WASHC4: variants seen among roughly 807,000 people sequenced by gnomAD.
WASHC4 encodes the protein WASH complex subunit 7.
WASHC4 carries 86 observed loss-of-function variants against 166.6 expected under a neutral mutation model. That is an observed-to-expected ratio of 0.52 (90% CI 0.43 to 0.62). WASHC4 has a LOEUF of 0.62. Ranked by LOEUF, WASHC4 falls within the 20% of genes least tolerant of loss-of-function variation. WASHC4 has a pLI of 0.00. For missense variants in WASHC4, 1,262 were observed against 1,382.4 expected (o/e 0.91, Z 1.38); for synonymous variants, 446 against 451.6 (o/e 0.99, Z 0.16).
intron 26 of WASHC4, among the ~76,000 whole-genome samples, chr12:105,156,028 A>C (rs117033563): frequency 5.9e-5 from 9 of 152,196 alleles, no homozygotes; most frequent in Non-Finnish European, 1.2e-4. Flanking sequence ...GAGGATATCT[A>C]TGAAGGGGTG....
chr12:105,125,971 G>T, intron 10 of WASHC4, 33 bp from the exon 11 acceptor site: 1 of 1,597,154 alleles, frequency 6.3e-7, no homozygotes, highest in Non-Finnish European at 8.6e-7. Context: ...ATTATTGAGA[G>T]TCTGAATTTC....
chr12:105,129,346 A>C (rs1043950651), intron 13 of WASHC4, among the ~76,000 whole-genome samples: 2 of 152,226 alleles, frequency 1.3e-5, no homozygotes, highest in Non-Finnish European at 2.9e-5. Flanking sequence ...GGCCTTCCAA[A>C]GTGCTGGGAT....
At position 105,153,483 on chromosome 12, in the gene WASHC4, T is replaced by A. The variant is rs1262083200; in HGVS notation, c.2758+1032T>A. Reference sequence around the variant, plus strand: ...TGTTTTATTATAAACCATTCAATATTAAGTATTGTCAAATAAGTACAAATA... The same window carrying A: ...TGTTTTATTATAAACCATTCAATATAAAGTATTGTCAAATAAGTACAAATA... On this transcript the variant is annotated intron_variant, in intron 26 of 32. Transcript: ENST00000332180. Among the ~76,000 whole-genome samples the A allele has an allele frequency of 6.6e-5, 10 of 152,364 alleles. No individual in the cohort carries two copies. The South Asian group carries it at 8.3e-4, about 13-fold the overall frequency.
At position 105,133,914 on chromosome 12, in the gene WASHC4, C is replaced by T. The variant is rs761944036; in HGVS notation, c.1326+18C>T. The T allele has an allele frequency of 2.6e-5, 42 of 1,606,772 alleles. No individual in the cohort carries two copies. Among genetic ancestry groups the T allele is most frequent in the East Asian group, 9.0e-5 (4 of 44,548 alleles). On this transcript the variant is annotated intron_variant, in intron 14 of 32. Transcript: ENST00000332180. ...TTATACAGGTAGTTGCATCTTATTT[C>T]GGGGAATCATTTTTTTGTTAATCCA...
In WASHC4 at chr12:105,146,446, T is replaced by C. The variant is rs369786898; in HGVS notation, c.2335-6T>C. The C allele has an allele frequency of 1.3e-6, 2 of 1,524,944 alleles. No individual in the cohort carries two copies. Among genetic ancestry groups the C allele is most frequent in the Non-Finnish European group, 1.8e-6 (2 of 1,099,192 alleles). The allele number at this position is 1,524,944 out of a possible 1,614,324, so 94.5% of individuals were successfully genotyped here. The stretch of plus-strand genomic sequence containing the variant: ...TAATAAAACTTGTATGTGTATTATG[T>C]TGTAGGGCCTTGATGTTTTAGAAAT... On this transcript the variant is annotated splice_polypyrimidine_tract_variant and splice_region_variant and intron_variant, in intron 22 of 32. Coordinates refer to ENST00000332180, the MANE Select transcript of WASHC4 (RefSeq NM_015275.3).
chr12:105,141,580 TTGTG>T (rs1382255268), intron 18 of WASHC4, among the ~76,000 whole-genome samples: 1 of 152,246 alleles, frequency 6.6e-6, no homozygotes, highest in Non-Finnish European at 1.5e-5. Flanking sequence ...CTTCCTCTAT[TTGTG>T]TGAGACTTAG....
At chr12:105,143,902 G>C (rs1041614612) in intron 20 of WASHC4, among the ~76,000 whole-genome samples, 1 of 151,612 alleles carries the variant, frequency 6.6e-6, no homozygotes, top group African/African-American at 2.4e-5. Flanking sequence ...AGAACTCCTT[G>C]GTAGACCAGA....
At chr12:105,119,447 T>C (rs998202096) in intron 7 of WASHC4, among the ~76,000 whole-genome samples, 5 of 152,172 alleles carry the variant, frequency 3.3e-5, no homozygotes, top group Non-Finnish European at 7.3e-5. Flanking sequence ...CAAGAGCAAT[T>C]TTGGCACTGT....
rs374513790 is a variant in WASHC4 at position 105,160,120 on chromosome 12, G to A, written c.3032G>A (p.Arg1011Gln). Reference protein sequence around the residue: ...EFRRPKNIHLRNFYIIVPPLT... With the variant: ...EFRRPKNIHLQNFYIIVPPLT... Reference sequence around the variant, plus strand: ...CGAAGGCCAAAGAATATACATCTCCGAAATTTCTATATAATTGTTCCCCCT... The same window carrying A: ...CGAAGGCCAAAGAATATACATCTCCAAAATTTCTATATAATTGTTCCCCCT... Residue 1011 changes from arginine to glutamine, a missense_variant, in exon 29 of 33, where the codon CGA becomes CAA. Physicochemically the swap from Arg to Gln is conservative, Grantham distance 43 (BLOSUM62 1). Coordinates refer to ENST00000332180, the MANE Select transcript of WASHC4 (RefSeq NM_015275.3). 2.9e-5 allele frequency: 47 copies of A among 1,613,584 alleles called. No homozygotes were observed. The highest frequency in any genetic ancestry group is 6.7e-5 in the African/African-American group (5 of 74,882).
At position 105,144,286 on chromosome 12, in the gene WASHC4, G is replaced by A. The variant is rs1329756845; in HGVS notation, c.2011-1G>A. The A allele has an allele frequency of 8.7e-6, 14 of 1,610,286 alleles. No homozygotes were observed. Among genetic ancestry groups the A allele is most frequent in the African/African-American group, 2.7e-5 (2 of 74,758 alleles). On this transcript the variant is annotated splice_acceptor_variant, in intron 20 of 32. Transcript: ENST00000332180. LOFTEE classifies it high-confidence loss of function. The stretch of plus-strand genomic sequence containing the variant: ...TAAAGTATCAAATCTTTTGTGAATA[G>A]CATTTGCTGGACAAATTATGCAAAG...
At chr12:105,111,372 A>G in intron 2 of WASHC4, 108 bp downstream of exon 2, 1 of 756,378 alleles carries the variant, frequency 1.3e-6, no homozygotes, top group South Asian at 2.0e-5. Flanking sequence ...AAATCTAAGA[A>G]CAAAATGAAA....
intron 25 of WASHC4, 105 bp downstream of exon 25, chr12:105,149,854 A>C: frequency 3.6e-6 from 4 of 1,124,868 alleles, no homozygotes; most frequent in Non-Finnish European, 4.8e-6. Context: ...TTTTAGTTTT[A>C]TTTTCCCTAT....
intron 29 of WASHC4, among the ~76,000 whole-genome samples, chr12:105,161,536 T>G (rs1191968601): frequency 6.6e-6 from 1 of 152,164 alleles, no homozygotes; most frequent in Non-Finnish European, 1.5e-5. Flanking sequence ...GTCTGGAGTT[T>G]TACAAGGCAG....
intron 8 of WASHC4, 161 bp from the exon 9 acceptor site, chr12:105,120,940 A>T (rs765465255): frequency 4.3e-5 from 28 of 646,500 alleles, no homozygotes; most frequent in Non-Finnish European, 6.9e-5. Flanking sequence ...CTAAAAGACA[A>T]ATAGTCCTTT....
Position 105,140,976 on chromosome 12 carries a change from T to C in WASHC4, c.1638T>C (p.Thr546=). The C allele has an allele frequency of 6.2e-7, 1 of 1,614,162 alleles. No individual in the cohort carries two copies. Among genetic ancestry groups the C allele is most frequent in the African/African-American group, 1.3e-5 (1 of 75,064 alleles). The part of the protein sequence containing the change: ...VLSALVLAEN[T]LNGPSTKQRR... Reference sequence around the variant, plus strand: ...CTGCTCTAGTTTTGGCTGAAAACACTCTAAATGGACCAAGCACAAAGCAAC... The same window carrying C: ...CTGCTCTAGTTTTGGCTGAAAACACCCTAAATGGACCAAGCACAAAGCAAC... Residue 546 remains threonine, a synonymous_variant, in exon 17 of 33, where the codon ACT becomes ACC. Transcript: ENST00000332180.
intron 1 of WASHC4, 35 bp from the exon 2 acceptor site, chr12:105,111,090 C>G (rs1879642105): frequency 6.6e-7 from 1 of 1,511,832 alleles, no homozygotes; most frequent in African/African-American, 1.4e-5. Context: ...TCATTACTTG[C>G]ACTTATCACA....
rs201516226 is a variant in WASHC4, at chr12:105,144,723, G to A, written c.2185G>A (p.Val729Ile). The A allele has an allele frequency of 1.2e-5, 19 of 1,603,002 alleles. No homozygotes were observed. Among genetic ancestry groups the A allele is most frequent in the East Asian group, 2.2e-5 (1 of 44,658 alleles). Residue 729 changes from valine to isoleucine, a missense_variant, in exon 22 of 33, where the codon GTA (valine) becomes ATA (isoleucine). Coordinates refer to ENST00000332180, the MANE Select transcript of WASHC4 (RefSeq NM_015275.3). ...GAATTTTTTTTTTTTGGTAGCTTAC[G>A]TAACTCACTACCTAGACAAGACTTT... ...FNRFIDIRAY[V>I]THYLDKTFYN...
At chr12:105,148,030 G>A (rs1487304244) in intron 24 of WASHC4, 1 of 985,246 alleles carries the variant, frequency 1.0e-6, no homozygotes, top group African/African-American at 1.7e-5. Context: ...TCAGAGCACA[G>A]TTAATTTCTC....
At chr12:105,127,446 T>C (rs34075890) in intron 13 of WASHC4, among the ~76,000 whole-genome samples, 157 bp downstream of exon 13, 26,295 of 152,166 alleles carry the variant, frequency 0.17, 2,497 homozygotes, top group East Asian at 0.25. Context: ...TTTCTAGAAG[T>C]TTTTTGTAAA....
Sources: allele counts gnomAD v4.1 joint callset (sites outside exome capture counted in the v4.1 genomes callset), GRCh38; gene constraint gnomAD v4.1.1; transcripts MANE v1.5; gene names NCBI Gene and HGNC (gene_info 2026-07-23, HGNC 2026-07-21).